The following EIF4A2 variants were observed in gnomAD, a reference collection of about 807,000 sequenced individuals.
EIF4A2 encodes the protein eukaryotic initiation factor 4A-II.
EIF4A2 carries 9 observed loss-of-function variants against 50.6 expected under a neutral mutation model. The observed-to-expected ratio is 0.18, with a 90% CI of 0.11 to 0.31. The LOEUF is 0.31. EIF4A2 is among the 10% of genes least tolerant of loss of function. The probability of loss-of-function intolerance (pLI) is 1.00; values close to 1 mark genes in which losing one functional copy is unlikely to be tolerated. For missense variants in EIF4A2, 182 were observed against 501.8 expected (o/e 0.36, Z 6.09); for synonymous variants, 215 against 164.4 (o/e 1.31, Z -2.35).
chr3:186,784,887 A>G (rs1579157185), intron 3 of EIF4A2, 75 bp from the exon 4 acceptor site: 1 of 1,612,432 alleles, frequency 6.2e-7, no homozygotes, highest in South Asian at 1.1e-5. Flanking sequence ...ATAATGTTCC[A>G]AATGGAATAC....
At chr3:186,787,672 T>A (rs1464936672) in intron 9 of EIF4A2, 88 bp downstream of exon 9, 1 of 1,592,108 alleles carries the variant, frequency 6.3e-7, no homozygotes. Flanking sequence ...ACTTGGGCTA[T>A]TTGGAAGAGT....
chr3:186,787,753 GGTGTCAA>G, intron 9 of EIF4A2, 43 bp from the exon 10 acceptor site: 1 of 1,610,184 alleles, frequency 6.2e-7, no homozygotes, highest in Non-Finnish European at 8.5e-7. Context: ...CTACATGACA[GGTGTCAA>G]GTTTTTTTGA....
At chr3:186,785,520 G>A (rs971421095) in intron 4 of EIF4A2, 10 of 301,906 alleles carry the variant, frequency 3.3e-5, no homozygotes, top group East Asian at 6.2e-5. Context: ...TTGAGGTCAG[G>A]ATTATATAAG....
intron 4 of EIF4A2, 123 bp downstream of exon 4, chr3:186,785,224 T>C: frequency 1.4e-6 from 2 of 1,413,614 alleles, no homozygotes; most frequent in Non-Finnish European, 1.9e-6. Flanking sequence ...TAATTGTCCA[T>C]GCATGCAGGG....
rs918911170 is a variant in EIF4A2, at chr3:186,789,738, T to G, written c.*469T>G. On this transcript the variant is annotated 3_prime_UTR_variant, in exon 11 of 11. Transcript: ENST00000323963. ...GAATGCATTTTGTTTGGTATTGTAT[T>G]TATTCAATAAAGTATTTAATTAGTG... 2.8e-5 allele frequency: 13 copies of G among 456,694 alleles called. No individual in the cohort carries two copies. The highest frequency in any genetic ancestry group is 2.1e-4 in the East Asian group (6 of 28,132). 28.3% of individuals were successfully genotyped at this position (456,694 alleles called of 1,614,324 possible).
At chr3:186,787,718 G>GTA (rs1721825095) in intron 9 of EIF4A2, 85 bp from the exon 10 acceptor site, 26 of 1,592,284 alleles carry the variant, frequency 1.6e-5, no homozygotes, top group Admixed American at 5.0e-5. Flanking sequence ...ATACCACTTA[G>GTA]TATAGTTCGC....
chr3:186,786,745 A>G (rs1427327558), intron 7 of EIF4A2, 100 bp downstream of exon 7: 4 of 1,486,020 alleles, frequency 2.7e-6, no homozygotes, highest in Non-Finnish European at 3.7e-6. Flanking sequence ...CAATAATGCT[A>G]GCAGAGTACA....
intron 6 of EIF4A2, 25 bp downstream of exon 6, chr3:186,786,298 T>A (rs1376506367): frequency 6.3e-7 from 1 of 1,598,266 alleles, no homozygotes; most frequent in East Asian, 2.2e-5. Context: ...ACCCCCCTCT[T>A]AAAGGTAGAG....
Position 186,783,623 on chromosome 3 carries a change from T to A in EIF4A2, c.13T>A (p.Ser5Thr). Residue 5 changes from serine to threonine, a missense_variant, in exon 1 of 11, where the codon TCC becomes ACC. Ser to Thr is a moderately conservative substitution (Grantham distance 58, BLOSUM62 1). Around this residue, in one of 7 missense-constraint regions of EIF4A2, gnomAD observed 43 missense variants for 22.2 expected, o/e 1.93. Coordinates refer to ENST00000323963, the MANE Select transcript of EIF4A2 (RefSeq NM_001967.4). ...GGTTTTTCGGATCATGTCTGGTGGC[T>A]CCGCGGATTATAACAGGTATGCAGT... MSGGSADYNREHGGP... is the reference protein window; with the variant it reads MSGGTADYNREHGGP... 1 of 1,614,136 alleles carries A rather than the reference T, an allele frequency of 6.2e-7. No homozygotes were observed. The highest frequency in any genetic ancestry group is 1.1e-5 in the South Asian group (1 of 91,076).
chr3:186,783,676 G>A (rs1721499305), intron 1 of EIF4A2, 37 bp downstream of exon 1: 8 of 1,613,954 alleles, frequency 5.0e-6, no homozygotes, highest in Middle Eastern at 1.6e-4. Flanking sequence ...CTGTAGTGAA[G>A]GTCATAGGGC....
chr3:186,784,295 A>T, intron 1 of EIF4A2, 137 bp from the exon 2 acceptor site: 2 of 1,270,840 alleles, frequency 1.6e-6, no homozygotes, highest in East Asian at 2.4e-5. Flanking sequence ...CACAGTGTGG[A>T]TATTCGCCCT....
In EIF4A2 at chr3:186,783,762, C is replaced by T. The variant is rs572207234; in HGVS notation, c.29+123C>T. 194 of 1,458,440 alleles carry T rather than the reference C, an allele frequency of 1.3e-4. No homozygotes were observed. In the East Asian group the frequency reaches 4.3e-3, roughly 32 times the overall value. 90.3% of individuals were successfully genotyped at this position (1,458,440 alleles called of 1,614,324 possible). ...GGACGTTTTCTTAGGGTACAGCACT[C>T]CTGTGCCCTTCCAGAAGCTTCCATG... On this transcript the variant is annotated intron_variant, in intron 1 of 10. Transcript: ENST00000323963.
In EIF4A2 at chr3:186,784,686, C is replaced by A; in HGVS notation, c.198C>A (p.Pro66=). Reference sequence around the variant, plus strand: ...CTATTCAGCAGAGAGCTATTATTCCCTGTATTAAAGGTAAAAGAAACTGGC... The same window carrying A: ...CTATTCAGCAGAGAGCTATTATTCCATGTATTAAAGGTAAAAGAAACTGGC... ...PSAIQQRAII[P]CIKGYDVIAQ... is the part of the protein sequence containing the mutation. The change falls in exon 3 of 11, where the codon CCC becomes CCA. Residue 66 remains proline, a synonymous_variant. Transcript: ENST00000323963. The A allele has an allele frequency of 6.2e-7, 1 of 1,613,916 alleles. No individual in the cohort carries two copies. Among genetic ancestry groups the A allele is most frequent in the East Asian group, 2.2e-5 (1 of 44,876 alleles).
At chr3:186,783,760 C>G in intron 1 of EIF4A2, 121 bp downstream of exon 1, 7 of 1,455,136 alleles carry the variant, frequency 4.8e-6, no homozygotes, top group Non-Finnish European at 6.7e-6. Flanking sequence ...GGGTACAGCA[C>G]TCCTGTGCCC....
At chr3:186,788,249 C>T (rs999098268) in intron 10 of EIF4A2, 4 of 1,269,760 alleles carry the variant, frequency 3.2e-6, no homozygotes, top group Admixed American at 2.3e-5. Flanking sequence ...GGCTTTATCC[C>T]TAAATAAATT....
rs200485256 is a variant in EIF4A2, at chr3:186,787,714, C to G, written c.1000-89C>G. 4 of 1,573,712 alleles carry G rather than the reference C, an allele frequency of 2.5e-6. No homozygotes were observed. The Admixed American group carries it at 5.0e-5, about 20-fold the overall frequency. On this transcript the variant is annotated intron_variant, in intron 9 of 10. Transcript: ENST00000323963. The stretch of plus-strand genomic sequence containing the variant: ...CCACACTCCACAGTGGGCTATACCA[C>G]TTAGTATAGTTCGCTACTATTTTGT...
intron 10 of EIF4A2, chr3:186,788,778 G>A (rs1299500872): frequency 4.0e-6 from 1 of 247,776 alleles, no homozygotes; most frequent in Non-Finnish European, 7.9e-6. Flanking sequence ...TTTTATTCCT[G>A]GTGTTCACAT....
At chr3:186,786,747 C>A in intron 7 of EIF4A2, 102 bp downstream of exon 7, 1 of 1,469,302 alleles carries the variant, frequency 6.8e-7, no homozygotes, top group Non-Finnish European at 9.5e-7. Flanking sequence ...ATAATGCTAG[C>A]AGAGTACACA....
chr3:186,783,901 A>G, intron 1 of EIF4A2: 1 of 554,790 alleles, frequency 1.8e-6, no homozygotes, highest in Admixed American at 3.1e-5. Context: ...TTCCCAGTGT[A>G]GAGCACGGGA....
Sources: gnomAD v4.1 joint callset for allele counts on GRCh38, gnomAD v4.1.1 for gene constraint, gnomAD v4.1.1 regional missense constraint, MANE v1.5 for transcripts, NCBI Gene and HGNC (gene_info 2026-07-23, HGNC 2026-07-21) for gene names.